LRIG3: variants seen among roughly 807,000 people sequenced by gnomAD.
The protein encoded by LRIG3 is leucine-rich repeats and immunoglobulin-like domains protein 3.
LRIG3 carries 76 observed loss-of-function variants against 114.5 expected under a neutral mutation model. That is an observed-to-expected ratio of 0.66 (90% CI 0.55 to 0.80). The LOEUF is 0.80. Ranked by LOEUF, LRIG3 falls within the 30% of genes least tolerant of loss-of-function variation. The probability of loss-of-function intolerance (pLI) is 0.00; values close to 1 mark genes in which losing one functional copy is unlikely to be tolerated. For missense variants in LRIG3, 1,239 were observed against 1,382.8 expected, an observed-to-expected ratio of 0.90 and a Z score of 1.65; for synonymous variants, 512 against 519.8, an observed-to-expected ratio of 0.98 and a Z score of 0.20.
intron 3 of LRIG3, among the ~76,000 whole-genome samples, chr12:58,893,664 G>A (rs1871530566): frequency 6.6e-6 from 1 of 152,158 alleles, no homozygotes; most frequent in South Asian, 2.1e-4. Flanking sequence ...AAGGCCTTAG[G>A]GTCAGGGTGT....
intron 3 of LRIG3, among the ~76,000 whole-genome samples, chr12:58,903,100 T>G (rs1357857964): frequency 6.6e-6 from 1 of 152,204 alleles, no homozygotes; most frequent in African/African-American, 2.4e-5. Flanking sequence ...ATGGGATGGC[T>G]GGGTCAAATG....
chr12:58,881,509 C>T (rs1055818041), intron 12 of LRIG3, among the ~76,000 whole-genome samples: 27 of 151,720 alleles, frequency 1.8e-4, no homozygotes, highest in Non-Finnish European at 1.0e-4. Context: ...GAGCTTTGAG[C>T]GGCCAATCGT....
At chr12:58,885,144 G>A (rs1465481651) in intron 10 of LRIG3, among the ~76,000 whole-genome samples, 2 of 152,128 alleles carry the variant, frequency 1.3e-5, no homozygotes, top group Non-Finnish European at 2.9e-5. Flanking sequence ...TGTGCAAGTC[G>A]GGGCAGCTCT....
chr12:58,895,730 G>C lies in LRIG3; in HGVS notation c.384-4934C>G, dbSNP rs145863208. ...CTACTCTGATGGCTGTGGGTGGAAAGACTGGGAGGAAGAGGGCATGACCAG... is the reference window on the plus strand; with the variant it reads ...CTACTCTGATGGCTGTGGGTGGAAACACTGGGAGGAAGAGGGCATGACCAG... On this transcript the variant is annotated intron_variant, in intron 3 of 18. Transcript: ENST00000320743. Among the ~76,000 whole-genome samples the C allele has an allele frequency of 3.5e-4, 54 of 152,296 alleles. No individual in the cohort carries two copies. The East Asian group carries it at 8.9e-3, about 25-fold the overall frequency.
intron 3 of LRIG3, among the ~76,000 whole-genome samples, chr12:58,896,692 G>A (rs148078308): frequency 0.013 from 1,922 of 152,246 alleles, 39 homozygotes; most frequent in African/African-American, 0.042. Context: ...TTGCAATACC[G>A]TCTTTCCTTA....
intron 3 of LRIG3, among the ~76,000 whole-genome samples, chr12:58,892,268 T>C (rs1005848933): frequency 6.6e-5 from 10 of 152,206 alleles, no homozygotes; most frequent in Admixed American, 1.3e-4. Flanking sequence ...CTACAAATCA[T>C]AGAAAGGTCT....
chr12:58,912,055 A>C (rs1477499450), intron 3 of LRIG3, among the ~76,000 whole-genome samples: 1 of 152,262 alleles, frequency 6.6e-6, no homozygotes, highest in Non-Finnish European at 1.5e-5. Context: ...AAGAAAGTGA[A>C]ATTATTCAGG....
chr12:58,885,903 C>T lies in LRIG3; in HGVS notation c.1173-1G>A. ...ACGGATCCGATTTCCTTGGAGTATC[C>T]TGGGGAAAAAAATTACATTGGAGCA... On this transcript the variant is annotated splice_acceptor_variant, in intron 9 of 18. Coordinates refer to ENST00000320743, the MANE Select transcript of LRIG3 (RefSeq NM_153377.5). LOFTEE classifies it high-confidence loss of function. 2 of 1,576,196 alleles carry T rather than the reference C, an allele frequency of 1.3e-6. No homozygotes were observed. Among genetic ancestry groups the T allele is most frequent in the Non-Finnish European group, 1.7e-6 (2 of 1,156,318 alleles).
chr12:58,874,982 C>A (rs1378793549), intron 16 of LRIG3, among the ~76,000 whole-genome samples: 1 of 152,180 alleles, frequency 6.6e-6, no homozygotes, highest in African/African-American at 2.4e-5. Flanking sequence ...AGTATCTGAA[C>A]CAAACAACAC....
rs771847000 is a variant in LRIG3 at position 58,880,562 on chromosome 12, GA to G, written c.1801+18del. ...TAAAAGGTATCTTTAAATGCTAAAG[GA>G]AAAGTCAGATCACATACTATTTACT... On this transcript the variant is annotated intron_variant, in intron 13 of 18. Transcript: ENST00000320743. 9 of 1,602,716 alleles carry G rather than the reference GA, an allele frequency of 5.6e-6. No homozygotes were observed. Among genetic ancestry groups the G allele is most frequent in the South Asian group, 1.1e-5 (1 of 90,198 alleles).
Position 58,888,354 on chromosome 12 carries a change from C to T in LRIG3, c.922G>A (p.Glu308Lys), listed in dbSNP as rs1278550611. Residue 308 changes from glutamate (E) to lysine (K), a missense_variant, in exon 7 of 19, where the codon GAG (glutamate) becomes AAG (lysine). Physicochemically the swap from Glu to Lys is moderately conservative, Grantham distance 56. Transcript: ENST00000320743. ...AGCTCACTGAGCTTCTGGCAGAACT[C>T]CCAGGCATCAGGGCTGATCCTGTTG... is the stretch of plus-strand genomic sequence containing the variant. ...AINRISPDAW[E>K]FCQKLSELDL... is the part of the protein sequence containing the mutation. 6.2e-7 allele frequency: 1 copy of T among 1,613,374 alleles called. No homozygotes were observed. Among genetic ancestry groups the T allele is most frequent in the Non-Finnish European group, 8.5e-7 (1 of 1,179,472 alleles).
At chr12:58,884,766 T>C (rs976708348) in intron 10 of LRIG3, among the ~76,000 whole-genome samples, 3 of 152,202 alleles carry the variant, frequency 2.0e-5, no homozygotes, top group African/African-American at 7.2e-5. Context: ...TCACTCTCAA[T>C]ACACAGCACA....
chr12:58,895,679 A>G, intron 3 of LRIG3, among the ~76,000 whole-genome samples: 1 of 152,176 alleles, frequency 6.6e-6, no homozygotes. Flanking sequence ...GTGGGGTGAC[A>G]ATATCACATG....
At chr12:58,899,669 T>G (rs1871772993) in intron 3 of LRIG3, among the ~76,000 whole-genome samples, 1 of 152,224 alleles carries the variant, frequency 6.6e-6, no homozygotes, top group Admixed American at 6.5e-5. Context: ...ATTTCTCATT[T>G]GTTTCAAACT....
chr12:58,919,526 GA>G (rs1427665440), intron 1 of LRIG3: 2 of 1,550,996 alleles, frequency 1.3e-6, no homozygotes, highest in African/African-American at 2.7e-5. Context: ...CTTCCCAAAT[GA>G]AAAGCCTGAC....
chr12:58,880,971 A>T, intron 12 of LRIG3, 70 bp from the exon 13 acceptor site: 1 of 1,433,494 alleles, frequency 7.0e-7, no homozygotes, highest in Admixed American at 1.9e-5. Context: ...CTCAAATTTG[A>T]ACACCAAGAA....
intron 4 of LRIG3, 139 bp from the exon 5 acceptor site, chr12:58,890,278 G>T: frequency 1.1e-6 from 1 of 906,482 alleles, no homozygotes; most frequent in Non-Finnish European, 1.6e-6. Flanking sequence ...AGGTCCTCAA[G>T]GACAGATGTT....
chr12:58,920,179 C>T lies in LRIG3; in HGVS notation c.57G>A (p.Ala19=), dbSNP rs1208339491. ...CTGACCGGCCAGCGCGCCCCAGCAC[C>T]GCGCACAGCAGCAGCCCCAACCCCG... ...RAAGLGLLLC[A]VLGRAGRSDS... Residue 19 remains alanine (A), a synonymous_variant, in exon 1 of 19, where the codon GCG becomes GCA. Transcript: ENST00000320743. 1.3e-6 allele frequency: 2 copies of T among 1,528,400 alleles called. No individual in the cohort carries two copies. The highest frequency in any genetic ancestry group is 2.0e-5 in the Admixed American group (1 of 49,536). 94.7% of individuals were successfully genotyped at this position (1,528,400 alleles called of 1,614,324 possible). A position where few individuals can be genotyped will look rare whatever the true frequency, so the allele number is the denominator to read the frequency against.
In LRIG3 at chr12:58,920,300, A is replaced by C; in HGVS notation, c.-65T>G. Reference sequence around the variant, plus strand: ...CCGGCGCGCGCTCGGGGCCCGGCACAAACTTCCAGCCGAGGGTGCACGCCC... The same window carrying C: ...CCGGCGCGCGCTCGGGGCCCGGCACCAACTTCCAGCCGAGGGTGCACGCCC... On this transcript the variant is annotated 5_prime_UTR_variant, in exon 1 of 19. Coordinates refer to ENST00000320743, the MANE Select transcript of LRIG3 (RefSeq NM_153377.5). 1.6e-6 allele frequency: 2 copies of C among 1,237,048 alleles called. No individual in the cohort carries two copies. The highest frequency in any genetic ancestry group is 2.1e-6 in the Non-Finnish European group (2 of 969,404). 76.6% of individuals were successfully genotyped at this position (1,237,048 alleles called of 1,614,324 possible).
Sources: allele counts gnomAD v4.1 joint callset (sites outside exome capture counted in the v4.1 genomes callset), GRCh38; gene constraint gnomAD v4.1.1; transcripts MANE v1.5; gene names NCBI Gene and HGNC (gene_info 2026-07-23, HGNC 2026-07-21).